PIP5K1A: variants seen among roughly 807,000 people sequenced by gnomAD.
PIP5K1A encodes the protein phosphatidylinositol 4-phosphate 5-kinase type-1 alpha.
Under a neutral mutation model 72.9 loss-of-function variants are expected in PIP5K1A, and 46 were observed. The ratio of observed to expected loss-of-function variants is 0.63; its 90% CI spans 0.50 to 0.81. The LOEUF (loss-of-function observed/expected upper bound fraction) is 0.81, where lower values mean the gene tolerates loss of function less well. Among genes scored for constraint, PIP5K1A ranks in the 30% least tolerant of loss-of-function variants. The pLI, the probability that PIP5K1A is intolerant of heterozygous loss-of-function variation, is 0.00. For synonymous variants in PIP5K1A, 228 were observed against 255.1 expected, an observed-to-expected ratio of 0.89 and a Z score of 1.01; for missense variants, 458 against 706.1, an observed-to-expected ratio of 0.65 and a Z score of 3.98.
At chr1:151,223,949 T>C (rs745612884) in intron 1 of PIP5K1A, 20 of 416,956 alleles carry the variant, frequency 4.8e-5, no homozygotes, top group Non-Finnish European at 7.4e-5. Context: ...GCCTGGGCGA[T>C]AGAGTGAGAC....
chr1:151,224,058 C>G (rs1570888610), intron 1 of PIP5K1A, 187 bp from the exon 2 acceptor site: 1 of 620,494 alleles, frequency 1.6e-6, no homozygotes, highest in African/African-American at 1.8e-5. Flanking sequence ...TGCACGAGGC[C>G]TATGTGAGTA....
At chr1:151,243,298 C>CTAAAT (rs1177568671) in intron 14 of PIP5K1A, among the ~76,000 whole-genome samples, 2 of 152,150 alleles carry the variant, frequency 1.3e-5, no homozygotes, top group Non-Finnish European at 2.9e-5. Flanking sequence ...GTTTTATTAC[C>CTAAAT]TAAATTAGGT....
At chr1:151,227,836 A>G (rs1304778149) in intron 4 of PIP5K1A, among the ~76,000 whole-genome samples, 1 of 152,192 alleles carries the variant, frequency 6.6e-6, no homozygotes, top group Admixed American at 6.6e-5. Flanking sequence ...CAGTGAGGTC[A>G]AATTGTGCCA....
At chr1:151,199,231 G>T in intron 1 of PIP5K1A, 150 bp downstream of exon 1, 2 of 1,436,046 alleles carry the variant, frequency 1.4e-6, no homozygotes, top group Non-Finnish European at 1.9e-6. Flanking sequence ...ATTTATGAGC[G>T]GGCAGGAGTT....
intron 1 of PIP5K1A, among the ~76,000 whole-genome samples, chr1:151,219,732 G>A (rs374695161): frequency 2.4e-4 from 36 of 151,940 alleles, no homozygotes; most frequent in South Asian, 1.7e-3. Context: ...GGCCTTGTGC[G>A]GTGGCTCATG....
In PIP5K1A at chr1:151,231,587, C is replaced by T. The variant is rs979457034; in HGVS notation, c.238-84C>T. 4.1e-6 allele frequency: 5 copies of T among 1,205,750 alleles called. No individual in the cohort carries two copies. The African/African-American group carries it at 7.5e-5, about 18-fold the overall frequency. 74.7% of individuals were successfully genotyped at this position (1,205,750 alleles called of 1,614,324 possible). On this transcript the variant is annotated intron_variant, in intron 4 of 15. Transcript: ENST00000368888. The stretch of plus-strand genomic sequence containing the variant: ...TAAAGGATGTTTGTTTTAAAGTGTT[C>T]CTTCTAGCTTCCCCTTTCTGAATTT...
At chr1:151,231,356 A>G (rs587675627) in intron 4 of PIP5K1A, among the ~76,000 whole-genome samples, 1 of 152,294 alleles carries the variant, frequency 6.6e-6, no homozygotes, top group Non-Finnish European at 1.5e-5. Flanking sequence ...AATACAATGT[A>G]TCTTCCAAAT....
rs1335543503 is a variant in PIP5K1A at position 151,216,020 on chromosome 1, G to A, written c.86-8225G>A. On this transcript the variant is annotated intron_variant, in intron 1 of 15. Transcript: ENST00000368888. ...AGAGAGGTAGATCTGATGTGTATCTGTGCTAAAGAAGCATGAGCTCCTTAC... is the reference window on the plus strand; with the variant it reads ...AGAGAGGTAGATCTGATGTGTATCTATGCTAAAGAAGCATGAGCTCCTTAC... 14 of 1,262,838 alleles carry A rather than the reference G, an allele frequency of 1.1e-5. No homozygotes were observed. The Admixed American group carries it at 3.2e-4, about 29-fold the overall frequency. 78.2% of individuals were successfully genotyped at this position (1,262,838 alleles called of 1,614,324 possible). A position where few individuals can be genotyped will look rare whatever the true frequency, so the allele number is the denominator to read the frequency against.
intron 1 of PIP5K1A, among the ~76,000 whole-genome samples, chr1:151,208,603 C>T (rs1019188232): frequency 2.0e-5 from 3 of 151,772 alleles, no homozygotes; most frequent in African/African-American, 7.3e-5. Flanking sequence ...TTGGCATCCA[C>T]CTGCCTCAGC....
At chr1:151,195,703 C>T (rs925043904), upstream of PIP5K1A, among the ~76,000 whole-genome samples, 1 of 151,398 alleles carries the variant, frequency 6.6e-6, no homozygotes, top group East Asian at 2.0e-4. Context: ...GTAAGCCAAG[C>T]GCCACTGCAC....
rs34562554 is a variant in PIP5K1A, at chr1:151,223,644, C to CA, written c.86-586dup. Among the ~76,000 whole-genome samples the CA allele has an allele frequency of 5.0e-3, 603 of 120,362 alleles. 35 individuals are homozygous for CA. Among genetic ancestry groups the CA allele is most frequent in the Middle Eastern group, 0.02 (4 of 204 alleles). 79.0% of individuals were successfully genotyped at this position (120,362 alleles called of 152,430 possible). On this transcript the variant is annotated intron_variant, in intron 1 of 15. Coordinates refer to ENST00000368888, the MANE Select transcript of PIP5K1A (RefSeq NM_001135638.2). ...TGGGCAACAGAGCGAGACTCTGTCT[C>CA]AAAAAAAAAAAAAAAGCGACAGAGC...
intron 14 of PIP5K1A, 61 bp from the exon 15 acceptor site, chr1:151,246,859 G>C: frequency 8.2e-7 from 1 of 1,215,268 alleles, no homozygotes; most frequent in Non-Finnish European, 1.2e-6. Context: ...TAAAAGGAGA[G>C]TCCTTTGTTG....
In PIP5K1A at chr1:151,204,186, A is replaced by T. The variant is rs182043073; in HGVS notation, c.85+5105A>T. On this transcript the variant is annotated intron_variant, in intron 1 of 15. Transcript: ENST00000368888. ...GGGATTATTGTTGATATATATATAT[A>T]TTTTTTTGAGATGGAGTTTCGCTCT... Among the ~76,000 whole-genome samples the T allele has an allele frequency of 8.9e-3, 1,356 of 151,940 alleles. 6 individuals carry two copies. Among genetic ancestry groups the T allele is most frequent in the Non-Finnish European group, 0.011 (775 of 67,934 alleles).
chr1:151,232,225 G>C (rs1219627683), intron 5 of PIP5K1A, 23 bp from the exon 6 acceptor site: 3 of 1,509,944 alleles, frequency 2.0e-6, no homozygotes, highest in Non-Finnish European at 1.8e-6. Context: ...GCAAGTTATG[G>C]CTACCTCTGT....
chr1:151,242,360 A>G (rs1691868367), intron 13 of PIP5K1A, 78 bp from the exon 14 acceptor site: 1 of 1,600,536 alleles, frequency 6.2e-7, no homozygotes. Flanking sequence ...CTCTGCTCCC[A>G]TTTCTATCCA....
intron 1 of PIP5K1A, among the ~76,000 whole-genome samples, chr1:151,212,191 C>T (rs1446613943): frequency 6.6e-6 from 1 of 151,996 alleles, no homozygotes; most frequent in East Asian, 1.9e-4. Flanking sequence ...GGTAGCTTAA[C>T]GCCTGTAATC....
Position 151,239,958 on chromosome 1 carries a change from A to G in PIP5K1A, c.1282A>G (p.Thr428Ala), listed in dbSNP as rs769345973. 2.5e-6 allele frequency: 4 copies of G among 1,611,032 alleles called. No homozygotes were observed. The highest frequency in any genetic ancestry group is 1.1e-5 in the South Asian group (1 of 91,000). ...SWKALVHDGD[T>A]VSVHRPGFYA... ...TAGCATTTCTTCTGCTCTGCAGGAC[A>G]CTGTCTCAGTGCATCGCCCAGGCTT... is the stretch of plus-strand genomic sequence containing the variant. The change falls in exon 12 of 16, where the codon ACT becomes GCT. Residue 428 changes from threonine (T) to alanine (A), a missense_variant. Around this residue, in one of 3 missense-constraint regions of PIP5K1A, gnomAD observed 157 missense variants for 175.5 expected, o/e 0.89. Coordinates refer to ENST00000368888, the MANE Select transcript of PIP5K1A (RefSeq NM_001135638.2).
At position 151,224,298 on chromosome 1, in the gene PIP5K1A, C is replaced by A. The variant is rs587649598; in HGVS notation, c.120+19C>A. ...ATCTGAGGTGAGTTTCATACTGATA[C>A]AATGGTTACTAAAACCTTAATTCTG... On this transcript the variant is annotated intron_variant, in intron 2 of 15. Transcript: ENST00000368888. 5.0e-6 allele frequency: 8 copies of A among 1,611,054 alleles called. No homozygotes were observed. Among genetic ancestry groups the A allele is most frequent in the Admixed American group, 3.3e-5 (2 of 59,980 alleles).
chr1:151,222,211 G>A (rs1475253848), intron 1 of PIP5K1A, among the ~76,000 whole-genome samples: 3 of 152,210 alleles, frequency 2.0e-5, no homozygotes, highest in Admixed American at 2.0e-4. Context: ...AGGCAAGGAA[G>A]AGAGAAGGTT....
Sources: gnomAD v4.1 joint callset for allele counts (sites outside exome capture counted in the v4.1 genomes callset) on GRCh38, gnomAD v4.1.1 for gene constraint, gnomAD v4.1.1 regional missense constraint, MANE v1.5 for transcripts, NCBI Gene and HGNC (gene_info 2026-07-23, HGNC 2026-07-21) for gene names.